CNTNAP3B: variants seen among roughly 807,000 people sequenced by gnomAD.
CNTNAP3B encodes contactin associated protein family member 3B, also known as contactin-associated protein-like 3B.
CNTNAP3B carries 25 observed loss-of-function variants against 108.9 expected under a neutral mutation model. That is an observed-to-expected ratio of 0.23 (90% CI 0.17 to 0.32). CNTNAP3B has a LOEUF of 0.32. Among genes scored for constraint, CNTNAP3B ranks in the 10% least tolerant of loss-of-function variants. The pLI is 1.00. For synonymous variants in CNTNAP3B, 103 were observed against 473.4 expected (o/e 0.22, Z 10.16); for missense variants, 252 against 1,210.4 (o/e 0.21, Z 11.75).
chr9:42,112,002 A>G (rs555047015), intron 1 of CNTNAP3B, among the ~76,000 whole-genome samples: 1 of 139,410 alleles, frequency 7.2e-6, no homozygotes, highest in South Asian at 2.3e-4. Context: ...CCTGAAATTC[A>G]AATTTCAGGT....
chr9:42,111,421 C>T (rs1269058690), intron 1 of CNTNAP3B, among the ~76,000 whole-genome samples: 2 of 139,088 alleles, frequency 1.4e-5, no homozygotes, highest in South Asian at 4.6e-4. Context: ...ATCTGTAGAA[C>T]TCAACATTGC....
At chr9:42,019,453 G>T (rs1011143853) in intron 3 of CNTNAP3B, among the ~76,000 whole-genome samples, 2 of 80,784 alleles carry the variant, frequency 2.5e-5, no homozygotes, top group Non-Finnish European at 4.8e-5. Flanking sequence ...TGGAAAGCAC[G>T]CTACAAAGTA....
intron 14 of CNTNAP3B, among the ~76,000 whole-genome samples, chr9:41,934,106 T>TATATATACAC (rs1270105029): frequency 3.1e-4 from 41 of 132,394 alleles, no homozygotes; most frequent in African/African-American, 1.2e-3. Flanking sequence ...GTTACATATA[T>TATATATACAC]ATATATATAT....
intron 14 of CNTNAP3B, among the ~76,000 whole-genome samples, chr9:41,935,910 C>A (rs1234827573): frequency 2.0e-5 from 3 of 152,288 alleles, no homozygotes; most frequent in East Asian, 3.8e-4. Flanking sequence ...AGAGGACCTG[C>A]ACCCACCTCA....
In CNTNAP3B at chr9:42,093,215, C is replaced by A. The variant is rs572345939; in HGVS notation, c.196+11414G>T. Among the ~76,000 whole-genome samples the A allele has an allele frequency of 1.3e-4, 12 of 94,106 alleles. 3 individuals are homozygous for A. The Admixed American group carries it at 1.3e-3, about 10-fold the overall frequency. The allele number at this position is 94,106 out of a possible 152,430, so 61.7% of individuals were successfully genotyped here. A position where few individuals can be genotyped will look rare whatever the true frequency, so the allele number is the denominator to read the frequency against. On this transcript the variant is annotated intron_variant, in intron 2 of 23. Transcript: ENST00000377561. ...AAAAAATTAGCCAGGCGTGGTGGCG[C>A]GACCCTGTAATCCCAGTTACTCAGA...
chr9:42,056,702 C>T (rs1827080379), intron 3 of CNTNAP3B, among the ~76,000 whole-genome samples: 1 of 134,252 alleles, frequency 7.4e-6, no homozygotes, highest in African/African-American at 3.0e-5. Context: ...GCTTATCAAT[C>T]CTTCTCAATT....
At chr9:42,123,508 C>T (rs1225117214) in intron 1 of CNTNAP3B, among the ~76,000 whole-genome samples, 2 of 125,946 alleles carry the variant, frequency 1.6e-5, no homozygotes, top group Admixed American at 8.2e-5. Flanking sequence ...CAAAGGAATC[C>T]TTCCATTTTG....
At chr9:42,047,354 T>C (rs1467985531) in intron 3 of CNTNAP3B, among the ~76,000 whole-genome samples, 1 of 133,344 alleles carries the variant, frequency 7.5e-6, no homozygotes, top group Non-Finnish European at 1.6e-5. Flanking sequence ...ATGTCAATAA[T>C]AAGAAGTAAG....
intron 3 of CNTNAP3B, among the ~76,000 whole-genome samples, chr9:42,051,356 A>G (rs10115358): frequency 1.2e-5 from 1 of 80,738 alleles, no homozygotes; most frequent in African/African-American, 5.0e-5. Context: ...ACCTGAACTC[A>G]GAGGTAGCTA....
Position 41,945,929 on chromosome 9 carries a change from G to A in CNTNAP3B, c.2080+7254C>T, listed in dbSNP as rs1329387715. ...GTAACACTAACCAAAAAGAAAGACA[G>A]AGTATCTAAATTAATTTTAGACAAA... On this transcript the variant is annotated intron_variant, in intron 13 of 23. Coordinates refer to ENST00000377561, the MANE Select transcript of CNTNAP3B (RefSeq NM_001201380.3). Among the ~76,000 whole-genome samples the A allele has an allele frequency of 3.3e-5, 5 of 152,226 alleles. No individual in the cohort carries two copies. The East Asian group carries it at 7.7e-4, about 23-fold the overall frequency.
At chr9:41,937,837 AAAAG>A (rs1824205104) in intron 14 of CNTNAP3B, among the ~76,000 whole-genome samples, 1 of 152,002 alleles carries the variant, frequency 6.6e-6, no homozygotes, top group Admixed American at 6.6e-5. Context: ...GTTAATTTCT[AAAAG>A]AAAGACAGAA....
At chr9:42,119,362 C>A in intron 1 of CNTNAP3B, among the ~76,000 whole-genome samples, 1 of 133,200 alleles carries the variant, frequency 7.5e-6, no homozygotes, top group East Asian at 2.3e-4. Flanking sequence ...ATTCCATGCT[C>A]ATGGGTAGGA....
At position 42,129,340 on chromosome 9, in the gene CNTNAP3B, G is replaced by T. The variant is rs1320463656; in HGVS notation, c.-246C>A. On this transcript the variant is annotated 5_prime_UTR_variant, in exon 1 of 24. Coordinates refer to ENST00000377561, the MANE Select transcript of CNTNAP3B (RefSeq NM_001201380.3). ...TCGGCCCCGCGGGAGCCTGGGGGCC[G>T]CGCGGCGCCGCCCCAGGCACGGAGG... 5.0e-6 allele frequency: 2 copies of T among 397,830 alleles called. No homozygotes were observed. Among genetic ancestry groups the T allele is most frequent in the African/African-American group, 3.1e-5 (1 of 32,668 alleles). 24.6% of individuals were successfully genotyped at this position (397,830 alleles called of 1,614,324 possible). A position where few individuals can be genotyped will look rare whatever the true frequency, so the allele number is the denominator to read the frequency against.
In CNTNAP3B at chr9:41,932,424, A is replaced by C. The variant is rs952243532; in HGVS notation, c.2238-2980T>G. Among the ~76,000 whole-genome samples the C allele has an allele frequency of 3.9e-5, 6 of 151,912 alleles. No homozygotes were observed. The East Asian group carries it at 5.8e-4, about 15-fold the overall frequency. ...GCTACTACTTATTATTTGCCAGGGA[A>C]CTTTATTTAAGGCAAAGTAGAGCCA... is the stretch of plus-strand genomic sequence containing the variant. On this transcript the variant is annotated intron_variant, in intron 14 of 23. Coordinates refer to ENST00000377561, the MANE Select transcript of CNTNAP3B (RefSeq NM_001201380.3).
In CNTNAP3B at chr9:41,995,528, A is replaced by G. The variant is rs574898390; in HGVS notation, c.1071+677T>C. Reference sequence around the variant, plus strand: ...AGGTGGGCAGATCACGAGGTTGGGAAATCGAGACCATCCTGGCTAACATGG... The same window carrying G: ...AGGTGGGCAGATCACGAGGTTGGGAGATCGAGACCATCCTGGCTAACATGG... On this transcript the variant is annotated intron_variant, in intron 7 of 23. Transcript: ENST00000377561. Among the ~76,000 whole-genome samples the G allele has an allele frequency of 1.9e-4, 26 of 135,356 alleles. 2 individuals are homozygous for G. The highest frequency in any genetic ancestry group is 9.7e-4 in the South Asian group (4 of 4,122). 88.8% of individuals were successfully genotyped at this position (135,356 alleles called of 152,430 possible). A position where few individuals can be genotyped will look rare whatever the true frequency, so the allele number is the denominator to read the frequency against.
In CNTNAP3B at chr9:42,062,751, G is replaced by A. The variant is rs191642530; in HGVS notation, c.390+14118C>T. Among the ~76,000 whole-genome samples the A allele has an allele frequency of 1.8e-4, 17 of 94,404 alleles. 6 individuals carry two copies. Among genetic ancestry groups the A allele is most frequent in the African/African-American group, 2.8e-4 (7 of 25,138 alleles). 61.9% of individuals were successfully genotyped at this position (94,404 alleles called of 152,430 possible). The stretch of plus-strand genomic sequence containing the variant: ...TCCTTCTCTTTCCATCTTCCTTTGT[G>A]ATTAGGCAATTTTCTATAGTGGCAT... On this transcript the variant is annotated intron_variant, in intron 3 of 23. Coordinates refer to ENST00000377561, the MANE Select transcript of CNTNAP3B (RefSeq NM_001201380.3).
chr9:41,943,229 G>A (rs1824416291), intron 13 of CNTNAP3B, among the ~76,000 whole-genome samples: 1 of 152,288 alleles, frequency 6.6e-6, no homozygotes, highest in Non-Finnish European at 1.5e-5. Context: ...GGGAAGACTG[G>A]GAAGTGCTGA....
At chr9:41,964,969 A>C (rs11526440) in intron 10 of CNTNAP3B, among the ~76,000 whole-genome samples, 67 of 152,304 alleles carry the variant, frequency 4.4e-4, no homozygotes, top group African/African-American at 1.6e-3. Flanking sequence ...TGGCATGCTC[A>C]GTTACTATAT....
At chr9:41,934,552 T>G (rs1295864768) in intron 14 of CNTNAP3B, among the ~76,000 whole-genome samples, 1 of 152,272 alleles carries the variant, frequency 6.6e-6, no homozygotes, top group Non-Finnish European at 1.5e-5. Context: ...AATCTGATGA[T>G]ACACACAAGT....
Sources: allele counts gnomAD v4.1 joint callset (sites outside exome capture counted in the v4.1 genomes callset), GRCh38; gene constraint gnomAD v4.1.1; transcripts MANE v1.5; gene names NCBI Gene and HGNC (gene_info 2026-07-23, HGNC 2026-07-21).